CHCHD6: variants seen among roughly 807,000 people sequenced by gnomAD.
CHCHD6 encodes the protein coiled-coil-helix-coiled-coil-helix domain containing 6.
A neutral mutation model predicts 32.3 loss-of-function variants in CHCHD6; 28 were observed. The ratio of observed to expected loss-of-function variants is 0.87; its 90% CI spans 0.64 to 1.19. The LOEUF (loss-of-function observed/expected upper bound fraction) is 1.19. Ranked by LOEUF, CHCHD6 falls within the 50% of genes most tolerant of loss-of-function variation. CHCHD6 has a pLI of 0.00. For missense variants in CHCHD6, 333 were observed against 307.0 expected (o/e 1.08, Z -0.63); for synonymous variants, 122 against 117.5 (o/e 1.04, Z -0.25).
intron 3 of CHCHD6, among the ~76,000 whole-genome samples, chr3:126,731,665 T>G (rs1178880823): frequency 1.3e-5 from 2 of 152,156 alleles, no homozygotes; most frequent in Middle Eastern, 3.2e-3. Flanking sequence ...GGGGGCCCAG[T>G]GTCAGCCATG....
chr3:126,937,262 G>A (rs2078493881), intron 6 of CHCHD6, among the ~76,000 whole-genome samples: 1 of 152,248 alleles, frequency 6.6e-6, no homozygotes, highest in Non-Finnish European at 1.5e-5. Flanking sequence ...ATTGGCTGGA[G>A]TACAGCAGCA....
At chr3:126,848,399 G>C (rs1941364188) in intron 4 of CHCHD6, among the ~76,000 whole-genome samples, 1 of 152,050 alleles carries the variant, frequency 6.6e-6, no homozygotes, top group Admixed American at 6.6e-5. Context: ...GCCTGTTTCA[G>C]GTTCATAATT....
chr3:126,910,273 G>GAAAAACAAAAAAAC lies in CHCHD6; in HGVS notation c.496-4402_496-4401insCAAAAAAACAAAAA, dbSNP rs1553756146. ...AGCCAGGAGCAAGGCCCTGCCTCAG[G>GAAAAACAAAAAAAC]AAAAAAAAAAAAACAAAAAAAACAA... On this transcript the variant is annotated intron_variant, in intron 5 of 7. Transcript: ENST00000290913. 5.4e-5 allele frequency among the ~76,000 whole-genome samples: 6 copies of GAAAAACAAAAAAAC among 111,462 alleles called. 1 individual carries two copies. The East Asian group carries it at 1.1e-3, about 20-fold the overall frequency. The allele number at this position is 111,462 out of a possible 152,430, so 73.1% of individuals were successfully genotyped here. A position where few individuals can be genotyped will look rare whatever the true frequency, so the allele number is the denominator to read the frequency against.
At chr3:126,806,800 A>G (rs557605925) in intron 4 of CHCHD6, among the ~76,000 whole-genome samples, 42 of 152,238 alleles carry the variant, frequency 2.8e-4, no homozygotes, top group Non-Finnish European at 4.7e-4. Flanking sequence ...AACCAACCCA[A>G]ATGTCCAACA....
At chr3:126,745,163 A>G (rs1406990703) in intron 4 of CHCHD6, among the ~76,000 whole-genome samples, 1 of 152,236 alleles carries the variant, frequency 6.6e-6, no homozygotes, top group East Asian at 1.9e-4. Context: ...TTACCTGGAC[A>G]CGTGACTGCC....
intron 1 of CHCHD6, among the ~76,000 whole-genome samples, chr3:126,705,019 G>T (rs1342940678): frequency 6.6e-6 from 1 of 152,084 alleles, no homozygotes; most frequent in African/African-American, 2.4e-5. Flanking sequence ...CGTGGCACCC[G>T]CACCTCGTCC....
chr3:126,913,827 A>T (rs985714842), intron 5 of CHCHD6, among the ~76,000 whole-genome samples: 2 of 152,176 alleles, frequency 1.3e-5, no homozygotes, highest in African/African-American at 2.4e-5. Flanking sequence ...AGAAAGGAGG[A>T]TGTGGACCTG....
chr3:126,832,960 A>T (rs996998241), intron 4 of CHCHD6, among the ~76,000 whole-genome samples: 1 of 152,210 alleles, frequency 6.6e-6, no homozygotes, highest in African/African-American at 2.4e-5. Flanking sequence ...ACTTTGGGTT[A>T]TGCACTTGGC....
At chr3:126,791,031 C>T (rs1028028322) in intron 4 of CHCHD6, among the ~76,000 whole-genome samples, 5 of 152,298 alleles carry the variant, frequency 3.3e-5, no homozygotes, top group South Asian at 2.1e-4. Flanking sequence ...TTGTTAGTTT[C>T]CCTTCTAACA....
At chr3:126,791,129 AGAACAGCAAATATTGCT>A (rs1299115332) in intron 4 of CHCHD6, among the ~76,000 whole-genome samples, 1 of 152,230 alleles carries the variant, frequency 6.6e-6, no homozygotes, top group Non-Finnish European at 1.5e-5. Context: ...TGGAGGCTGC[AGAACAGCAAATATTGCT>A]GAACAGCAAA....
chr3:126,710,681 T>C (rs1217687899), intron 1 of CHCHD6, among the ~76,000 whole-genome samples: 1 of 152,218 alleles, frequency 6.6e-6, no homozygotes, highest in African/African-American at 2.4e-5. Context: ...TTTTATTATT[T>C]TTGATGCTAT....
intron 5 of CHCHD6, among the ~76,000 whole-genome samples, chr3:126,895,057 A>G (rs1003944944): frequency 6.6e-6 from 1 of 152,240 alleles, no homozygotes; most frequent in Non-Finnish European, 1.5e-5. Flanking sequence ...ACCCAAATGG[A>G]ATCACACGAT....
chr3:126,847,842 G>A (rs896475059), intron 4 of CHCHD6, among the ~76,000 whole-genome samples: 17 of 151,204 alleles, frequency 1.1e-4, no homozygotes, highest in Admixed American at 1.1e-3. Flanking sequence ...TTCTACTCTG[G>A]CTTCCGTCCT....
intron 6 of CHCHD6, 51 bp downstream of exon 6, chr3:126,914,801 T>A: frequency 2.8e-6 from 3 of 1,066,782 alleles, no homozygotes; most frequent in Non-Finnish European, 4.4e-6. Flanking sequence ...ATTGTAAAAA[T>A]TCCCACATGT....
At chr3:126,922,221 A>G (rs141179472) in intron 6 of CHCHD6, among the ~76,000 whole-genome samples, 36 of 152,352 alleles carry the variant, frequency 2.4e-4, no homozygotes, top group African/African-American at 7.7e-4. Context: ...TGTGCTTGGC[A>G]CATGTACTGT....
At chr3:126,906,619 C>T (rs1383457615) in intron 5 of CHCHD6, among the ~76,000 whole-genome samples, 4 of 152,160 alleles carry the variant, frequency 2.6e-5, no homozygotes, top group East Asian at 1.9e-4. Flanking sequence ...AGCCGGGGGT[C>T]GGGGAGGGAT....
rs544885097 is a variant in CHCHD6, at chr3:126,789,897, T to A, written c.411+56675T>A. On this transcript the variant is annotated intron_variant, in intron 4 of 7. Transcript: ENST00000290913. The stretch of plus-strand genomic sequence containing the variant: ...GTTAGCTGATTATTTTGCTCGTTAG[T>A]TGATGCAGTTTCTTCCTAGTCTCGA... Among the ~76,000 whole-genome samples the A allele has an allele frequency of 7.2e-3, 930 of 128,436 alleles. 9 individuals are homozygous for A. Among genetic ancestry groups the A allele is most frequent in the African/African-American group, 0.034 (889 of 26,228 alleles). 84.3% of individuals were successfully genotyped at this position (128,436 alleles called of 152,430 possible).
At chr3:126,907,850 C>T (rs961669260) in intron 5 of CHCHD6, among the ~76,000 whole-genome samples, 3 of 152,156 alleles carry the variant, frequency 2.0e-5, no homozygotes, top group South Asian at 2.1e-4. Context: ...CTGGCATCTG[C>T]GTGGCCTTTG....
intron 5 of CHCHD6, among the ~76,000 whole-genome samples, chr3:126,910,287 C>CAAA (rs1158847805): frequency 2.1e-5 from 3 of 145,696 alleles, no homozygotes; most frequent in Non-Finnish European, 4.6e-5. Context: ...AAAAAAAAAA[C>CAAA]AAAAAAAACA....
Sources: allele counts gnomAD v4.1 joint callset (sites outside exome capture counted in the v4.1 genomes callset), GRCh38; gene constraint gnomAD v4.1.1; transcripts MANE v1.5; gene names NCBI Gene and HGNC (gene_info 2026-07-23, HGNC 2026-07-21).